Variants in ADGRV1 observed in about 807,000 individuals in gnomAD.
The protein encoded by ADGRV1 is G-protein coupled receptor 98.
ADGRV1 carries 359 observed loss-of-function variants against 596.2 expected under a neutral mutation model. The observed-to-expected ratio is 0.60, with a 90% CI of 0.55 to 0.66. The LOEUF (loss-of-function observed/expected upper bound fraction) is 0.66. Among genes scored for constraint, ADGRV1 ranks in the 30% least tolerant of loss-of-function variants. The pLI is 0.00. For synonymous variants in ADGRV1, 2,681 were observed against 2,679.2 expected, an observed-to-expected ratio of 1.00 and a Z score of -0.02; for missense variants, 7,274 against 7,575.6, an observed-to-expected ratio of 0.96 and a Z score of 1.48.
At chr5:90,918,005 G>T (rs1306443748) in intron 83 of ADGRV1, among the ~76,000 whole-genome samples, 2 of 152,004 alleles carry the variant, frequency 1.3e-5, no homozygotes, top group Non-Finnish European at 2.9e-5. Context: ...TTTTTCAAAT[G>T]AGAATGAGCT....
intron 1 of ADGRV1, among the ~76,000 whole-genome samples, chr5:90,587,919 T>C (rs1484517807): frequency 6.6e-6 from 1 of 152,244 alleles, no homozygotes; most frequent in Non-Finnish European, 1.5e-5. Context: ...TTTCAAAATA[T>C]ATATCTACAG....
intron 83 of ADGRV1, among the ~76,000 whole-genome samples, chr5:90,915,181 C>T (rs1041770463): frequency 2.0e-5 from 3 of 152,030 alleles, no homozygotes; most frequent in South Asian, 2.1e-4. Flanking sequence ...ATCCAGACAG[C>T]GTTCTAAAAG....
chr5:90,745,507 T>G (rs1754516545), intron 51 of ADGRV1, 84 bp from the exon 52 acceptor site: 2 of 938,726 alleles, frequency 2.1e-6, no homozygotes, highest in Non-Finnish European at 3.2e-6. Flanking sequence ...ACCTTTAATA[T>G]CAATTAATGT....
chr5:90,876,146 G>A (rs949027090), intron 83 of ADGRV1, among the ~76,000 whole-genome samples: 1 of 152,068 alleles, frequency 6.6e-6, no homozygotes, highest in Non-Finnish European at 1.5e-5. Flanking sequence ...TTTAACCTAT[G>A]AGTAGTTGAA....
chr5:90,668,706 G>A (rs543257359), intron 21 of ADGRV1, among the ~76,000 whole-genome samples: 8 of 151,968 alleles, frequency 5.3e-5, no homozygotes, highest in South Asian at 2.1e-4. Context: ...TTACTTTATT[G>A]TACAAAATAT....
chr5:90,591,024 G>T (rs1252397451), intron 1 of ADGRV1, among the ~76,000 whole-genome samples: 4 of 151,922 alleles, frequency 2.6e-5, no homozygotes, highest in Non-Finnish European at 5.9e-5. Flanking sequence ...TTTGATTCAG[G>T]CTTGTAATGC....
At chr5:90,926,386 TC>T (rs1374224371) in intron 83 of ADGRV1, among the ~76,000 whole-genome samples, 1 of 149,746 alleles carries the variant, frequency 6.7e-6, no homozygotes, top group Admixed American at 6.7e-5. Context: ...GAGGAATTTA[TC>T]CATTTCTTCT....
chr5:90,704,240 GT>G (rs2149686865), intron 35 of ADGRV1, 148 bp from the exon 36 acceptor site: 1 of 606,952 alleles, frequency 1.6e-6, no homozygotes, highest in East Asian at 3.0e-5. Flanking sequence ...TGTGTCAGTG[GT>G]TTTTATTTAT....
intron 1 of ADGRV1, among the ~76,000 whole-genome samples, chr5:90,575,205 C>CT (rs901315764): frequency 9.3e-5 from 14 of 150,132 alleles, no homozygotes; most frequent in African/African-American, 2.9e-4. Context: ...ACCTTTCTAA[C>CT]TTTTTTTTTA....
intron 85 of ADGRV1, among the ~76,000 whole-genome samples, chr5:91,029,655 A>C (rs1248349400): frequency 6.6e-6 from 1 of 152,196 alleles, no homozygotes; most frequent in Non-Finnish European, 1.5e-5. Context: ...ATAGTTGTCC[A>C]ACAATTTTTT....
intron 21 of ADGRV1, among the ~76,000 whole-genome samples, chr5:90,662,799 C>T (rs1340377181): frequency 6.6e-6 from 1 of 151,978 alleles, no homozygotes; most frequent in Non-Finnish European, 1.5e-5. Flanking sequence ...GTGTGATGTT[C>T]CCCTTCCTGT....
intron 71 of ADGRV1, among the ~76,000 whole-genome samples, chr5:90,804,241 A>G (rs1761685560): frequency 3.3e-5 from 5 of 152,140 alleles, no homozygotes; most frequent in African/African-American, 1.2e-4. Context: ...TGTGTCTACT[A>G]AAAATAGAAA....
chr5:91,100,027 C>A (rs1791229545), intron 86 of ADGRV1, among the ~76,000 whole-genome samples: 1 of 152,070 alleles, frequency 6.6e-6, no homozygotes, highest in East Asian at 1.9e-4. Context: ...ACATCTTGGG[C>A]CAAAAAGCAA....
chr5:90,990,459 A>T (rs1780867171), intron 85 of ADGRV1, among the ~76,000 whole-genome samples: 1 of 152,190 alleles, frequency 6.6e-6, no homozygotes, highest in Admixed American at 6.5e-5. Context: ...TAAACTAGAA[A>T]AAGGAAGGCC....
Position 90,683,980 on chromosome 5 carries a change from A to G in ADGRV1, c.6059A>G (p.Asp2020Gly), listed in dbSNP as rs1292731136. ...CTTGTCTCATATGCAACACTAGATG[A>G]TATGGAAAAACCACCTTATTTTCCA... is the stretch of plus-strand genomic sequence containing the variant. ...KVLVSYATLD[D>G]MEKPPYFPPN... The change falls in exon 28 of 90, where the codon GAT becomes GGT. Residue 2020 changes from aspartate to glycine, a missense_variant. By Grantham distance (94) the Asp-to-Gly change is moderately conservative. Coordinates refer to ENST00000405460, the MANE Select transcript of ADGRV1 (RefSeq NM_032119.4). 1.9e-6 allele frequency: 3 copies of G among 1,613,974 alleles called. No homozygotes were observed. The highest frequency in any genetic ancestry group is 1.1e-5 in the South Asian group (1 of 91,072).
Position 91,033,533 on chromosome 5 carries a change from T to C in ADGRV1, c.18153-38914T>C, listed in dbSNP as rs552590198. Among the ~76,000 whole-genome samples, 3 of 152,300 alleles carry C rather than the reference T, an allele frequency of 2.0e-5. No homozygotes were observed. In the East Asian group the frequency reaches 5.8e-4, roughly 29 times the overall value. On this transcript the variant is annotated intron_variant, in intron 85 of 89. Transcript: ENST00000405460. ...GGCAGTGAGCAAAGATTTTTCTGAT[T>C]CCCTGTTCATGATTTTGGCAGCCAT... is the stretch of plus-strand genomic sequence containing the variant.
rs1757838046 is a variant in ADGRV1, at chr5:90,772,869, G to GA, written c.12286-1313dup. On this transcript the variant is annotated intron_variant, in intron 59 of 89. Coordinates refer to ENST00000405460, the MANE Select transcript of ADGRV1 (RefSeq NM_032119.4). ...CAAACAATGGAATCCCCACAGCAATGAAAATAATACATTGAGTCTGATAGC... is the reference window on the plus strand; with the variant it reads ...CAAACAATGGAATCCCCACAGCAATGAAAAATAATACATTGAGTCTGATAGC... 2.0e-5 allele frequency among the ~76,000 whole-genome samples: 3 copies of GA among 152,086 alleles called. No homozygotes were observed. In the South Asian group the frequency reaches 6.2e-4, roughly 32 times the overall value.
chr5:91,107,498 C>T (rs2126675431), intron 87 of ADGRV1, among the ~76,000 whole-genome samples: 1 of 152,088 alleles, frequency 6.6e-6, no homozygotes, highest in Non-Finnish European at 1.5e-5. Flanking sequence ...GATTGGTGAA[C>T]ATGAAAAACT....
intron 85 of ADGRV1, among the ~76,000 whole-genome samples, chr5:91,056,911 A>G (rs1786926257): frequency 6.6e-6 from 1 of 152,220 alleles, no homozygotes; most frequent in South Asian, 2.1e-4. Context: ...TCCATAGTCT[A>G]AAATAAACAT....
Sources: gnomAD v4.1 joint callset for allele counts (sites outside exome capture counted in the v4.1 genomes callset) on GRCh38, gnomAD v4.1.1 for gene constraint, MANE v1.5 for transcripts, NCBI Gene and HGNC (gene_info 2026-07-23, HGNC 2026-07-21) for gene names.